DAB1: variants seen among roughly 807,000 people sequenced by gnomAD.
DAB1 encodes disabled homolog 1.
A neutral mutation model predicts 64.6 loss-of-function variants in DAB1; 15 were observed. The ratio of observed to expected loss-of-function variants is 0.23; its 90% confidence interval spans 0.16 to 0.36. The LOEUF (loss-of-function observed/expected upper bound fraction) is 0.36, where lower values mean the gene tolerates loss of function less well. Among genes scored for constraint, DAB1 ranks in the 10% least tolerant of loss-of-function variants. DAB1 has a pLI of 1.00. For missense variants in DAB1, 596 were observed against 706.7 expected, an observed-to-expected ratio of 0.84 and a Z score of 1.78; for synonymous variants, 235 against 251.9, an observed-to-expected ratio of 0.93 and a Z score of 0.64.
chr1:58,494,861 C>A (rs1487719167), intron 3 of DAB1, among the ~76,000 whole-genome samples: 1 of 152,234 alleles, frequency 6.6e-6, no homozygotes, highest in Admixed American at 6.5e-5. Context: ...GTCAGTGTGG[C>A]GATTCCTCAG....
chr1:57,480,270 G>GA (rs1323748788), intron 7 of DAB1, among the ~76,000 whole-genome samples: 6 of 152,038 alleles, frequency 3.9e-5, no homozygotes, highest in African/African-American at 1.5e-4. Flanking sequence ...TTACAAATGG[G>GA]TACCCAGGTT....
intron 7 of DAB1, among the ~76,000 whole-genome samples, chr1:57,473,498 A>T (rs772519166): frequency 3.3e-5 from 5 of 152,198 alleles, no homozygotes; most frequent in African/African-American, 4.8e-5. Flanking sequence ...CAGTAAAGTC[A>T]CCAAAAAATC....
chr1:57,412,588 G>A (rs952904428), intron 1 of DAB1, among the ~76,000 whole-genome samples: 1 of 152,196 alleles, frequency 6.6e-6, no homozygotes, highest in Non-Finnish European at 1.5e-5. Context: ...CCTGATAGTG[G>A]ATATGGAAAG....
chr1:57,417,859 A>G (rs558480809), intron 1 of DAB1, among the ~76,000 whole-genome samples: 1 of 152,134 alleles, frequency 6.6e-6, no homozygotes, highest in African/African-American at 2.4e-5. Flanking sequence ...TCATGCTTGC[A>G]TGACTTTGTC....
At chr1:57,832,501 A>G (rs1043993110) in intron 1 of DAB1, among the ~76,000 whole-genome samples, 1 of 152,194 alleles carries the variant, frequency 6.6e-6, no homozygotes, top group Non-Finnish European at 1.5e-5. Context: ...AGAATGGTAA[A>G]CAGCGGTGCT....
At chr1:57,645,069 C>A (rs943420689) in intron 7 of DAB1, among the ~76,000 whole-genome samples, 3 of 152,138 alleles carry the variant, frequency 2.0e-5, no homozygotes, top group African/African-American at 7.2e-5. Flanking sequence ...CTGCTTCATG[C>A]TGCCAAGGTT....
intron 3 of DAB1, among the ~76,000 whole-genome samples, chr1:58,481,731 G>T (rs1329546033): frequency 1.3e-5 from 2 of 152,076 alleles, no homozygotes; most frequent in African/African-American, 2.4e-5. Flanking sequence ...ATGGAGGTGG[G>T]TGTTTCCCGT....
intron 1 of DAB1, among the ~76,000 whole-genome samples, chr1:57,407,780 G>A (rs1326700573): frequency 2.1e-5 from 1 of 48,694 alleles, no homozygotes; most frequent in African/African-American, 5.6e-5. Flanking sequence ...GTGTGTGTGT[G>A]TGTGTGTGTG....
intron 7 of DAB1, among the ~76,000 whole-genome samples, chr1:57,488,983 G>A (rs1644128072): frequency 6.6e-6 from 1 of 152,102 alleles, no homozygotes; most frequent in African/African-American, 2.4e-5. Context: ...ACAATTAGCA[G>A]AAAGTAAAAA....
At chr1:58,208,608 G>A (rs1268888031) in intron 4 of DAB1, among the ~76,000 whole-genome samples, 1 of 152,180 alleles carries the variant, frequency 6.6e-6, no homozygotes, top group African/African-American at 2.4e-5. Context: ...CCAGGTTGCT[G>A]TGAATGCCAT....
intron 4 of DAB1, among the ~76,000 whole-genome samples, chr1:58,177,527 T>C (rs1656551138): frequency 6.6e-6 from 1 of 152,202 alleles, no homozygotes; most frequent in African/African-American, 2.4e-5. Flanking sequence ...CATTGTTTTA[T>C]GTACAGGGAA....
intron 7 of DAB1, among the ~76,000 whole-genome samples, chr1:57,462,330 C>T (rs1000533147): frequency 6.6e-6 from 1 of 152,108 alleles, no homozygotes; most frequent in Non-Finnish European, 1.5e-5. Flanking sequence ...TGTGAGTTTA[C>T]AGAAGTCATG....
chr1:57,075,035 A>C (rs1651862266), intron 4 of DAB1, among the ~76,000 whole-genome samples: 1 of 152,170 alleles, frequency 6.6e-6, no homozygotes, highest in Non-Finnish European at 1.5e-5. Flanking sequence ...GGAGACAAAG[A>C]TGTTCTTCTC....
intron 1 of DAB1, among the ~76,000 whole-genome samples, chr1:57,354,654 G>A (rs12741210): frequency 0.53 from 80,063 of 151,924 alleles, 21,907 homozygotes; most frequent in African/African-American, 0.59. Context: ...CATTCATGAT[G>A]GTGTTCCACA....
At chr1:57,641,854 G>A (rs1206981437) in intron 7 of DAB1, among the ~76,000 whole-genome samples, 1 of 151,986 alleles carries the variant, frequency 6.6e-6, no homozygotes, top group Non-Finnish European at 1.5e-5. Flanking sequence ...AAGTGCTCAA[G>A]AACTTAGAGA....
In DAB1 at chr1:56,997,649, A is replaced by G. The variant is rs548579664; in HGVS notation, c.*495T>C. ...TCATCCTATGTGAAAAGGCATATGG[A>G]TGACGATATTGTGGTCACAGAAGAC... On this transcript the variant is annotated 3_prime_UTR_variant, in exon 15 of 15. Transcript: ENST00000371236. 6.6e-6 allele frequency: 1 copy of G among 152,338 alleles called. No homozygotes were observed. Among genetic ancestry groups the G allele is most frequent in the East Asian group, 1.9e-4 (1 of 5,192 alleles). 9.4% of individuals were successfully genotyped at this position (152,338 alleles called of 1,614,324 possible).
At chr1:58,494,391 T>C (rs1645755732) in intron 3 of DAB1, among the ~76,000 whole-genome samples, 1 of 152,026 alleles carries the variant, frequency 6.6e-6, no homozygotes, top group African/African-American at 2.4e-5. Flanking sequence ...CCAAAAGCAA[T>C]GGCAACAAAA....
At chr1:57,948,420 C>G (rs1645215750) in intron 5 of DAB1, among the ~76,000 whole-genome samples, 1 of 152,108 alleles carries the variant, frequency 6.6e-6, no homozygotes, top group African/African-American at 2.4e-5. Flanking sequence ...CATAAAAATG[C>G]AAGAATTGGA....
At chr1:57,282,213 CA>C (rs58681324) in intron 2 of DAB1, among the ~76,000 whole-genome samples, 66,996 of 113,750 alleles carry the variant, frequency 0.59, 17,177 homozygotes, top group Admixed American at 0.7. Flanking sequence ...AAAAAAAAAA[CA>C]GGTGACTGAG....
Sources: gnomAD v4.1 joint callset for allele counts (sites outside exome capture counted in the v4.1 genomes callset) on GRCh38, gnomAD v4.1.1 for gene constraint, MANE v1.5 for transcripts, NCBI Gene and HGNC (gene_info 2026-07-23, HGNC 2026-07-21) for gene names.